The following MGAT4D variants were observed in gnomAD, a reference collection of about 807,000 sequenced individuals.
The protein encoded by MGAT4D is MGAT4 family member D, also known as alpha-1,3-mannosyl-glycoprotein 4-beta-N-acetylglucosaminyltransferase-like protein MGAT4D.
In MGAT4D, 34 loss-of-function variants were observed where a neutral mutation model predicts 15.9. That is an observed-to-expected ratio of 2.14 (90% CI 1.62 to 2.84). The LOEUF (loss-of-function observed/expected upper bound fraction) is 2.84, where lower values mean the gene tolerates loss of function less well. Among genes scored for constraint, MGAT4D ranks in the 30% most tolerant of loss-of-function variants. The probability of loss-of-function intolerance (pLI) is 0.00; values close to 1 mark genes in which losing one functional copy is unlikely to be tolerated. For synonymous variants in MGAT4D, 112 were observed against 48.2 expected, an observed-to-expected ratio of 2.33 and a Z score of -5.49; for missense variants, 327 against 140.2, an observed-to-expected ratio of 2.33 and a Z score of -6.73.
chr4:140,480,978 T>G (rs1732681502), intron 2 of MGAT4D, among the ~76,000 whole-genome samples: 1 of 152,084 alleles, frequency 6.6e-6, no homozygotes, highest in Non-Finnish European at 1.5e-5. Context: ...ATCATTAGTT[T>G]CTGGGAAATA....
intron 5 of MGAT4D, among the ~76,000 whole-genome samples, chr4:140,467,428 T>G (rs1731613082): frequency 6.6e-6 from 1 of 152,106 alleles, no homozygotes; most frequent in Admixed American, 6.5e-5. Flanking sequence ...AAAGTTTAGA[T>G]TACAGAGATA....
At chr4:140,497,947 C>A (rs1384592234) in intron 1 of MGAT4D, among the ~76,000 whole-genome samples, 182 bp downstream of exon 1, 6 of 152,140 alleles carry the variant, frequency 3.9e-5, no homozygotes, top group Admixed American at 3.9e-4. Context: ...GCCCAGCCGC[C>A]GCTGACCGGG....
At chr4:140,451,707 G>C (rs1342376304) in intron 9 of MGAT4D, among the ~76,000 whole-genome samples, 190 bp from the exon 10 acceptor site, 1 of 151,918 alleles carries the variant, frequency 6.6e-6, no homozygotes, top group African/African-American at 2.4e-5. Context: ...GGTAAAAAAG[G>C]GTTTTCATTA....
Position 140,447,157 on chromosome 4 carries a change from T to C in MGAT4D, c.1117-3713A>G, listed in dbSNP as rs563920875. On this transcript the variant is annotated intron_variant, in intron 10 of 10. Coordinates refer to ENST00000511113, the MANE Select transcript of MGAT4D (RefSeq NM_001277353.2). ...GTGGCCGATTTTAGAGTATGTGCCA[T>C]GTGGTTATGAGAAGAATGTATATCT... 1.4e-4 allele frequency among the ~76,000 whole-genome samples: 21 copies of C among 152,256 alleles called. No individual in the cohort carries two copies. In the East Asian group the frequency reaches 1.7e-3, roughly 13 times the overall value.
intron 5 of MGAT4D, among the ~76,000 whole-genome samples, chr4:140,468,454 G>A (rs368695689): frequency 1.3e-5 from 2 of 151,978 alleles, no homozygotes; most frequent in African/African-American, 2.4e-5. Context: ...ACAATGATGC[G>A]GTCATATCTT....
At chr4:140,451,162 A>C (rs1489710278) in intron 10 of MGAT4D, among the ~76,000 whole-genome samples, 1 of 152,144 alleles carries the variant, frequency 6.6e-6, no homozygotes, top group South Asian at 2.1e-4. Context: ...AAATTGCACA[A>C]CTGGGAACAG....
intron 3 of MGAT4D, among the ~76,000 whole-genome samples, chr4:140,478,217 G>A (rs1732467085): frequency 6.6e-6 from 1 of 152,056 alleles, no homozygotes; most frequent in African/African-American, 2.4e-5. Context: ...CTGATAACTG[G>A]GTTATCTCAA....
Position 140,459,799 on chromosome 4 carries a change from CT to C in MGAT4D, c.763-174del, listed in dbSNP as rs576574327. Among the ~76,000 whole-genome samples the C allele has an allele frequency of 8.2e-3, 890 of 109,048 alleles. 9 individuals are homozygous for C. The highest frequency in any genetic ancestry group is 0.049 in the Admixed American group (475 of 9,718). 71.5% of individuals were successfully genotyped at this position (109,048 alleles called of 152,430 possible). ...AAGGTATTTACAGTTAGTTGATTTC[CT>C]TTTTTTTTTTTTTTTTTTTTTTGAG... is the stretch of plus-strand genomic sequence containing the variant. On this transcript the variant is annotated intron_variant, in intron 7 of 10. Transcript: ENST00000511113.
intron 1 of MGAT4D, among the ~76,000 whole-genome samples, chr4:140,491,718 G>A (rs1733514105): frequency 6.6e-6 from 1 of 151,898 alleles, no homozygotes; most frequent in South Asian, 2.1e-4. Flanking sequence ...AGGGAACAGA[G>A]AGCGGAGACA....
At chr4:140,497,529 A>C (rs1473148094) in intron 1 of MGAT4D, among the ~76,000 whole-genome samples, 1 of 152,160 alleles carries the variant, frequency 6.6e-6, no homozygotes, top group Admixed American at 6.5e-5. Flanking sequence ...GAGAAATTGC[A>C]TCTTGAGTGT....
At chr4:140,445,300 A>G (rs1578625768) in intron 10 of MGAT4D, among the ~76,000 whole-genome samples, 2 of 151,854 alleles carry the variant, frequency 1.3e-5, no homozygotes, top group East Asian at 1.9e-4. Context: ...ATTTTTTTTC[A>G]TATGCTTCTT....
chr4:140,482,260 C>T, intron 2 of MGAT4D, 67 bp downstream of exon 2: 1 of 561,194 alleles, frequency 1.8e-6, no homozygotes, highest in South Asian at 2.4e-5. Context: ...AGAAGAGGCC[C>T]TAAAATCATA....
chr4:140,466,860 G>A (rs1312228597), intron 5 of MGAT4D, among the ~76,000 whole-genome samples: 2 of 152,100 alleles, frequency 1.3e-5, no homozygotes, highest in East Asian at 3.8e-4. Flanking sequence ...TATGTATCAC[G>A]AAAATGGGGT....
At chr4:140,479,864 C>T (rs1008789536) in intron 2 of MGAT4D, among the ~76,000 whole-genome samples, 3 of 151,880 alleles carry the variant, frequency 2.0e-5, no homozygotes, top group African/African-American at 7.3e-5. Flanking sequence ...ATAAGATACA[C>T]AGAGGACAAT....
chr4:140,484,756 C>G (rs576386005), intron 1 of MGAT4D, among the ~76,000 whole-genome samples: 1 of 152,332 alleles, frequency 6.6e-6, no homozygotes, highest in Non-Finnish European at 1.5e-5. Flanking sequence ...TGAACAGACA[C>G]TTCTCAGAAG....
intron 5 of MGAT4D, among the ~76,000 whole-genome samples, chr4:140,468,728 CTTTA>C: frequency 6.6e-6 from 1 of 152,196 alleles, no homozygotes; most frequent in East Asian, 1.9e-4. Context: ...TTTGTTTAAT[CTTTA>C]TTTAATCCCT....
chr4:140,446,743 GTTTTTTTTTTTTTTTTTTTTTT>G (rs149442061), intron 10 of MGAT4D, among the ~76,000 whole-genome samples: 8 of 8,150 alleles, frequency 9.8e-4, no homozygotes, highest in African/African-American at 2.0e-3. Flanking sequence ...TGCTTCTCTA[GTTTTTTTTTTTTTTTTTTTTTT>G]TTTTTTTTTT....
chr4:140,471,127 A>G (rs1731913103), intron 5 of MGAT4D, among the ~76,000 whole-genome samples: 1 of 152,100 alleles, frequency 6.6e-6, no homozygotes, highest in Admixed American at 6.6e-5. Context: ...CCTGGGCTCA[A>G]GCAATCCACC....
rs140285755 is a variant in MGAT4D at position 140,493,675 on chromosome 4, C to G, written c.94+4454G>C. ...AGATGCTGTTTAGTTTTCTTTGTTC[C>G]AAGAGTTTCTAAAAATTGTGTCTGT... On this transcript the variant is annotated intron_variant, in intron 1 of 10. Coordinates refer to ENST00000511113, the MANE Select transcript of MGAT4D (RefSeq NM_001277353.2). Among the ~76,000 whole-genome samples the G allele has an allele frequency of 4.9e-3, 746 of 152,120 alleles. 1 individual carries two copies. Among genetic ancestry groups the G allele is most frequent in the Non-Finnish European group, 6.5e-3 (445 of 67,982 alleles).
Sources: allele counts gnomAD v4.1 joint callset (sites outside exome capture counted in the v4.1 genomes callset), GRCh38; gene constraint gnomAD v4.1.1; transcripts MANE v1.5; gene names NCBI Gene and HGNC (gene_info 2026-07-23, HGNC 2026-07-21).